The following JMJD8 variants were observed in gnomAD, a reference collection of about 807,000 sequenced individuals.
JMJD8 encodes jumonji domain containing 8, also known as jmjC domain-containing protein 8.
In JMJD8, 56 loss-of-function variants were observed where a neutral mutation model predicts 37.6. The observed-to-expected ratio is 1.49, with a 90% confidence interval of 1.20 to 1.86. JMJD8 has a LOEUF of 1.86. Ranked by LOEUF, JMJD8 falls within the 40% of genes most tolerant of loss-of-function variation. The pLI is 0.00. For synonymous variants in JMJD8, 261 were observed against 163.7 expected (o/e 1.59, Z -4.54); for missense variants, 542 against 362.7 (o/e 1.49, Z -4.01).
Position 683,038 on chromosome 16 carries a change from T to A in JMJD8, c.629A>T (p.Lys210Met). The change falls in exon 8 of 9, where the codon AAG becomes ATG. Residue 210 changes from lysine (K) to methionine (M), a missense_variant. Transcript: ENST00000609261. ...PEKTPEFHPN[K>M]TTLAWLRDTY... Reference sequence around the variant, plus strand: ...GTCCCGGAGCCAGGCCAGCGTGGTCTTGTTGGGGTGGAACTCTGGCGTCTT... The same window carrying A: ...GTCCCGGAGCCAGGCCAGCGTGGTCATGTTGGGGTGGAACTCTGGCGTCTT... 6.2e-7 allele frequency: 1 copy of A among 1,613,486 alleles called. No homozygotes were observed. The highest frequency in any genetic ancestry group is 1.3e-5 in the African/African-American group (1 of 75,022).
chr16:684,171 G>A lies in JMJD8; in HGVS notation c.87-16C>T, dbSNP rs756907284. On this transcript the variant is annotated splice_polypyrimidine_tract_variant and intron_variant, in intron 1 of 8. Transcript: ENST00000609261. ...GCCCGGGCGCCTGCGGGCACAGCTG[G>A]GTCAGCCCGCGCCCCGCCCGCCGCA... is the stretch of plus-strand genomic sequence containing the variant. 3 of 1,362,916 alleles carry A rather than the reference G, an allele frequency of 2.2e-6. No homozygotes were observed. Among genetic ancestry groups the A allele is most frequent in the East Asian group, 3.2e-5 (1 of 31,694 alleles). The allele number at this position is 1,362,916 out of a possible 1,614,324, so 84.4% of individuals were successfully genotyped here. A position where few individuals can be genotyped will look rare whatever the true frequency, so the allele number is the denominator to read the frequency against.
At position 684,092 on chromosome 16, in the gene JMJD8, G is replaced by T; in HGVS notation, c.150C>A (p.Asp50Glu). Residue 50 changes from aspartate to glutamate, a missense_variant, in exon 2 of 9, where the codon GAC becomes GAA. Physicochemically the swap from Asp to Glu is conservative, Grantham distance 45 (BLOSUM62 2). Transcript: ENST00000609261. ...EERCTVERRA[D>E]LTYAEFVQQY... ...GCTGCACGAACTCCGCGTAGGTGAG[G>T]TCGGCCCGACGCTCCACCGTGCAGC... The T allele has an allele frequency of 6.4e-7, 1 of 1,574,496 alleles. No individual in the cohort carries two copies. The highest frequency in any genetic ancestry group is 8.6e-7 in the Non-Finnish European group (1 of 1,168,866).
Position 681,781 on chromosome 16 carries a change from G to C in JMJD8, c.*1013C>G. On this transcript the variant is annotated 3_prime_UTR_variant, in exon 9 of 9. Transcript: ENST00000609261. ...CAGGTCCATCTCTGACCGGCTCCTG[G>C]TCAACCCCCAGGGAGCTGGAAGAGT... The C allele has an allele frequency of 4.4e-6, 7 of 1,586,910 alleles. No homozygotes were observed. Among genetic ancestry groups the C allele is most frequent in the Non-Finnish European group, 6.0e-6 (7 of 1,162,288 alleles).
Position 684,107 on chromosome 16 carries a change from C to T in JMJD8, c.135G>A (p.Val45=), listed in dbSNP as rs1040821583. Residue 45 remains valine (V), a synonymous_variant, in exon 2 of 9, where the codon GTG becomes GTA. Transcript: ENST00000609261. The stretch of plus-strand genomic sequence containing the variant: ...CGTAGGTGAGGTCGGCCCGACGCTC[C>T]ACCGTGCAGCGCTCCTCCTCCGCCA... ...GAVAEEERCT[V]ERRADLTYAE... 10 of 1,564,274 alleles carry T rather than the reference C, an allele frequency of 6.4e-6. No homozygotes were observed. Among genetic ancestry groups the T allele is most frequent in the Admixed American group, 1.8e-5 (1 of 55,896 alleles).
At chr16:683,813 G>C (rs570774062) in intron 3 of JMJD8, 32 bp from the exon 4 acceptor site, 1 of 1,587,578 alleles carries the variant, frequency 6.3e-7, no homozygotes, top group South Asian at 1.1e-5. Flanking sequence ...TTAGTGGCCG[G>C]GCCCAGCACG....
chr16:684,119 C>G lies in JMJD8; in HGVS notation c.123G>C (p.Glu41Asp), dbSNP rs780132238. Residue 41 changes from glutamate to aspartate, a missense_variant, in exon 2 of 9, where the codon GAG becomes GAC. Glu to Asp is a conservative substitution (Grantham distance 45). Coordinates refer to ENST00000609261, the MANE Select transcript of JMJD8 (RefSeq NM_001005920.4). The stretch of plus-strand genomic sequence containing the variant: ...CGGCCCGACGCTCCACCGTGCAGCG[C>G]TCCTCCTCCGCCACGGCCCCCGGCC... The part of the protein sequence containing the change: ...PGGPGAVAEE[E>D]RCTVERRADL... 24 of 1,540,898 alleles carry G rather than the reference C, an allele frequency of 1.6e-5. No homozygotes were observed. The highest frequency in any genetic ancestry group is 2.0e-5 in the Non-Finnish European group (23 of 1,153,768).
chr16:682,420 C>T lies in JMJD8; in HGVS notation c.*374G>A, dbSNP rs1210380996. Reference sequence around the variant, plus strand: ...GCCCCCTGACCCAGGAACAGCTCATCCCCAACTTGGCTATGAAGGAGGTTA... The same window carrying T: ...GCCCCCTGACCCAGGAACAGCTCATTCCCAACTTGGCTATGAAGGAGGTTA... On this transcript the variant is annotated 3_prime_UTR_variant, in exon 9 of 9. Coordinates refer to ENST00000609261, the MANE Select transcript of JMJD8 (RefSeq NM_001005920.4). The T allele has an allele frequency of 1.9e-6, 3 of 1,613,442 alleles. No homozygotes were observed. The highest frequency in any genetic ancestry group is 1.7e-6 in the Non-Finnish European group (2 of 1,180,004).
chr16:683,092 G>C lies in JMJD8; in HGVS notation c.580-5C>G. On this transcript the variant is annotated splice_region_variant and splice_polypyrimidine_tract_variant and intron_variant, in intron 7 of 8. Transcript: ENST00000609261. ...AGGTGGGTAAAGGAACCAGCGCTGG[G>C]GGCATGAGCAGCAGTGTCACCCTTG... 1 of 1,613,568 alleles carries C rather than the reference G, an allele frequency of 6.2e-7. No individual in the cohort carries two copies. The highest frequency in any genetic ancestry group is 8.5e-7 in the Non-Finnish European group (1 of 1,179,872).
At chr16:683,811 C>G (rs1222720919) in intron 3 of JMJD8, 30 bp from the exon 4 acceptor site, 2 of 1,588,936 alleles carry the variant, frequency 1.3e-6, no homozygotes, top group Non-Finnish European at 1.7e-6. Flanking sequence ...ACTTAGTGGC[C>G]GGGCCCAGCA....
Position 684,246 on chromosome 16 carries a change from C to T in JMJD8, c.74G>A (p.Gly25Asp). 2 of 1,356,380 alleles carry T rather than the reference C, an allele frequency of 1.5e-6. No homozygotes were observed. Among genetic ancestry groups the T allele is most frequent in the Non-Finnish European group, 1.9e-6 (2 of 1,063,320 alleles). 84.0% of individuals were successfully genotyped at this position (1,356,380 alleles called of 1,614,324 possible). Residue 25 changes from glycine (G) to aspartate (D), a missense_variant, in exon 1 of 9, where the codon GGC becomes GAC. Gly to Asp is a moderately conservative substitution (Grantham distance 94). Transcript: ENST00000609261. ...AVALPGSGAE[G>D]DGGWRPGGPG... ...CCGGGCCGCTCACCACCCGCCGTCG[C>T]CCTCCGCCCCGGAGCCGGGTAGAGC...
Position 684,099 on chromosome 16 carries a change from C to G in JMJD8, c.143G>C (p.Arg48Pro), listed in dbSNP as rs765706238. Residue 48 changes from arginine (R) to proline (P), a missense_variant, in exon 2 of 9, where the codon CGG becomes CCG. Physicochemically the swap from Arg to Pro is moderately radical, Grantham distance 103. Transcript: ENST00000609261. ...AEEERCTVER[R>P]ADLTYAEFVQ... ...GAACTCCGCGTAGGTGAGGTCGGCC[C>G]GACGCTCCACCGTGCAGCGCTCCTC... 1.1e-5 allele frequency: 18 copies of G among 1,569,994 alleles called. No homozygotes were observed. In the Admixed American group the frequency reaches 3.2e-4, roughly 28 times the overall value.
chr16:682,667 T>G lies in JMJD8; in HGVS notation c.*127A>C, dbSNP rs2039721303. 2 of 1,412,562 alleles carry G rather than the reference T, an allele frequency of 1.4e-6. No homozygotes were observed. Among genetic ancestry groups the G allele is most frequent in the African/African-American group, 2.8e-5 (2 of 71,050 alleles). The allele number at this position is 1,412,562 out of a possible 1,614,324, so 87.5% of individuals were successfully genotyped here. A position where few individuals can be genotyped will look rare whatever the true frequency, so the allele number is the denominator to read the frequency against. On this transcript the variant is annotated 3_prime_UTR_variant, in exon 9 of 9. Transcript: ENST00000609261. ...GCTGGGCCGTGATCGTCCCCCTTTG[T>G]GGGCTGGAAAAGCAGGTGAGGGTGG... is the stretch of plus-strand genomic sequence containing the variant.
chr16:682,144 C>T lies in JMJD8; in HGVS notation c.*650G>A. ...TGCAGTGCCCCTTTTCAGCCTCTGA[C>T]CGTGTGCCCCTGTGCCACAGAAGCG... On this transcript the variant is annotated 3_prime_UTR_variant, in exon 9 of 9. Transcript: ENST00000609261. The T allele has an allele frequency of 1.3e-6, 2 of 1,595,708 alleles. No homozygotes were observed. The highest frequency in any genetic ancestry group is 1.1e-5 in the South Asian group (1 of 90,410).
chr16:682,849 C>T lies in JMJD8; in HGVS notation c.740G>A (p.Trp247Ter). 2 of 1,613,078 alleles carry T rather than the reference C, an allele frequency of 1.2e-6. No homozygotes were observed. Among genetic ancestry groups the T allele is most frequent in the Non-Finnish European group, 1.7e-6 (2 of 1,179,878 alleles). Residue 247 changes from tryptophan (W) to a stop codon, truncating the protein, a stop_gained, in exon 9 of 9, where the codon TGG (tryptophan) becomes TAG (stop). Transcript: ENST00000609261. LOFTEE classifies it high-confidence loss of function. ...GEVLYFPDRW[W>*]HATLNLDTSV... ...GGTGTCAAGGTTGAGCGTAGCATGC[C>T]ACCAGCGGTCGGGGAAGTACAGCAC...
rs903862551 is a variant in JMJD8, at chr16:683,937, G to C, written c.177-28C>G. ...GGAAAGAAGGGCAGAGTCGCGGCCAGGCCGGACCGCCAGCCTCGCCGCCCC... is the reference window on the plus strand; with the variant it reads ...GGAAAGAAGGGCAGAGTCGCGGCCACGCCGGACCGCCAGCCTCGCCGCCCC... On this transcript the variant is annotated intron_variant, in intron 2 of 8. Transcript: ENST00000609261. 5 of 1,563,350 alleles carry C rather than the reference G, an allele frequency of 3.2e-6. No individual in the cohort carries two copies. In the Admixed American group the frequency reaches 7.5e-5, roughly 23 times the overall value.
At position 682,554 on chromosome 16, in the gene JMJD8, A is replaced by G. The variant is rs2039714390; in HGVS notation, c.*240T>C. The G allele has an allele frequency of 6.2e-7, 1 of 1,600,492 alleles. No individual in the cohort carries two copies. The highest frequency in any genetic ancestry group is 2.2e-5 in the East Asian group (1 of 44,696). ...CTGGGCAGAAGCCCCCGGCCCCTAT[A>G]CATAGTTTATGTTCCTGGCCACCCC... On this transcript the variant is annotated 3_prime_UTR_variant, in exon 9 of 9. Transcript: ENST00000609261.
chr16:683,614 GGGTCAGGACCGTCTGGTCCA>G lies in JMJD8; in HGVS notation c.323-36_323-17del. On this transcript the variant is annotated splice_polypyrimidine_tract_variant and intron_variant, in intron 4 of 8. Transcript: ENST00000609261. The stretch of plus-strand genomic sequence containing the variant: ...GGCAAGTCCACTGCAGGAAAGAGAC[GGGTCAGGACCGTCTGGTCCA>G]GCCGCCCCGGTGTTGGCAAATGGGC... 6.3e-7 allele frequency: 1 copy of G among 1,576,844 alleles called. No individual in the cohort carries two copies. Among genetic ancestry groups the G allele is most frequent in the Middle Eastern group, 1.7e-4 (1 of 6,024 alleles).
rs1225998171 is a variant in JMJD8, at chr16:681,687, C to T, written c.*1107G>A. On this transcript the variant is annotated 3_prime_UTR_variant, in exon 9 of 9. Transcript: ENST00000609261. The stretch of plus-strand genomic sequence containing the variant: ...ACACAAGCGTTTATCGAAGGCTTTA[C>T]TGGCAAGCAGGAAATGTGGGGAAGT... 8.3e-6 allele frequency: 13 copies of T among 1,557,770 alleles called. No individual in the cohort carries two copies. The highest frequency in any genetic ancestry group is 2.3e-5 in the East Asian group (1 of 44,152).
chr16:683,311 G>C lies in JMJD8; in HGVS notation c.511+11C>G. The C allele has an allele frequency of 1.2e-6, 2 of 1,604,252 alleles. No individual in the cohort carries two copies. Among genetic ancestry groups the C allele is most frequent in the Non-Finnish European group, 1.7e-6 (2 of 1,175,400 alleles). Reference sequence around the variant, plus strand: ...AAGCCTCAGTCCTTCCCAGTCCCAAGAAGCACCCACCTGCGATTCCAAAGC... The same window carrying C: ...AAGCCTCAGTCCTTCCCAGTCCCAACAAGCACCCACCTGCGATTCCAAAGC... On this transcript the variant is annotated intron_variant, in intron 6 of 8. Transcript: ENST00000609261.
Sources: allele counts gnomAD v4.1 joint callset, GRCh38; gene constraint gnomAD v4.1.1; transcripts MANE v1.5; gene names NCBI Gene and HGNC (gene_info 2026-07-23, HGNC 2026-07-21).